Variants in ZDHHC21 observed in about 807,000 individuals in gnomAD.
The protein encoded by ZDHHC21 is palmitoyltransferase ZDHHC21.
Under a neutral mutation model 34.6 loss-of-function variants are expected in ZDHHC21, and 15 were observed. The ratio of observed to expected loss-of-function variants is 0.43; its 90% CI spans 0.29 to 0.67. ZDHHC21 has a LOEUF of 0.67. Ranked by LOEUF, ZDHHC21 falls within the 30% of genes least tolerant of loss-of-function variation. The pLI, the probability that ZDHHC21 is intolerant of heterozygous loss-of-function variation, is 0.14. For missense variants in ZDHHC21, 344 were observed against 327.7 expected, an observed-to-expected ratio of 1.05 and a Z score of -0.38; for synonymous variants, 142 against 101.8, an observed-to-expected ratio of 1.40 and a Z score of -2.38.
the ZDHHC21 span, among the ~76,000 whole-genome samples, chr9:14,591,169 G>A: frequency 6.6e-6 from 1 of 152,174 alleles, no homozygotes; most frequent in East Asian, 1.9e-4. Flanking sequence ...TCCAAAAAAG[G>A]CAGGAAAAGG....
At chr9:14,673,606 C>A (rs916414743) in intron 4 of ZDHHC21, among the ~76,000 whole-genome samples, 1 of 150,856 alleles carries the variant, frequency 6.6e-6, no homozygotes, top group Non-Finnish European at 1.5e-5. Context: ...TAGTACCGGT[C>A]AGTTTTATCA....
chr9:14,643,387 G>C (rs920237523), intron 7 of ZDHHC21, among the ~76,000 whole-genome samples: 5 of 152,116 alleles, frequency 3.3e-5, no homozygotes, highest in African/African-American at 7.2e-5. Flanking sequence ...TAAAGGTAAA[G>C]GTTACTAACT....
In ZDHHC21 at chr9:14,613,677, G is replaced by A. The variant is rs1475951664; in HGVS notation, c.*5289C>T. On this transcript the variant is annotated 3_prime_UTR_variant, in exon 10 of 10. Coordinates refer to ENST00000380916, the MANE Select transcript of ZDHHC21 (RefSeq NM_178566.6). ...GATATTCAAAATACCAATAGAAATGGAGACCTTCGAGGTATCAAGAACTCC... is the reference window on the plus strand; with the variant it reads ...GATATTCAAAATACCAATAGAAATGAAGACCTTCGAGGTATCAAGAACTCC... 1 of 151,740 alleles carries A rather than the reference G, an allele frequency of 6.6e-6. No homozygotes were observed. Among genetic ancestry groups the A allele is most frequent in the Non-Finnish European group, 1.5e-5 (1 of 67,744 alleles). 9.4% of individuals were successfully genotyped at this position (151,740 alleles called of 1,614,324 possible). A position where few individuals can be genotyped will look rare whatever the true frequency, so the allele number is the denominator to read the frequency against.
intron 3 of ZDHHC21, among the ~76,000 whole-genome samples, 166 bp downstream of exon 3, chr9:14,679,867 T>G (rs974566672): frequency 7.2e-5 from 11 of 152,106 alleles, no homozygotes; most frequent in Non-Finnish European, 1.5e-4. Context: ...AAAGTCTTAT[T>G]TAAGAAAACA....
the ZDHHC21 span, among the ~76,000 whole-genome samples, chr9:14,601,005 A>T: frequency 3.3e-5 from 5 of 152,210 alleles, no homozygotes; most frequent in Non-Finnish European, 7.3e-5. Context: ...TTAACTCAAG[A>T]TGGATTAAAG....
intron 5 of ZDHHC21, among the ~76,000 whole-genome samples, chr9:14,671,187 G>C (rs983208316): frequency 2.6e-5 from 4 of 151,936 alleles, no homozygotes; most frequent in African/African-American, 9.7e-5. Flanking sequence ...GTTTAACCTG[G>C]AGATTTACTA....
In ZDHHC21 at chr9:14,693,272, G is replaced by A. The variant is rs71476227; in HGVS notation, c.-268C>T. ...TCTCGCTGCCGCCGCTCTCCCGACCGCCAGCAGCTCTTTCCCCTCCTCCTG... is the reference window on the plus strand; with the variant it reads ...TCTCGCTGCCGCCGCTCTCCCGACCACCAGCAGCTCTTTCCCCTCCTCCTG... On this transcript the variant is annotated 5_prime_UTR_variant, in exon 1 of 10. Coordinates refer to ENST00000380916, the MANE Select transcript of ZDHHC21 (RefSeq NM_178566.6). The A allele has an allele frequency of 0.51, 211,235 of 415,278 alleles. 55,696 individuals carry two copies. Among genetic ancestry groups the A allele is most frequent in the Non-Finnish European group, 0.57 (120,321 of 210,720 alleles). The allele number at this position is 415,278 out of a possible 1,614,324, so 25.7% of individuals were successfully genotyped here. A position where few individuals can be genotyped will look rare whatever the true frequency, so the allele number is the denominator to read the frequency against.
chr9:14,608,156 C>G (rs1479243834), downstream of ZDHHC21, among the ~76,000 whole-genome samples: 1 of 152,106 alleles, frequency 6.6e-6, no homozygotes, highest in Non-Finnish European at 1.5e-5. Flanking sequence ...TCTACAGCTA[C>G]AAAGCTTACA....
chr9:14,653,152 A>G lies in ZDHHC21; in HGVS notation c.504+5597T>C, dbSNP rs899582301. 2.6e-5 allele frequency among the ~76,000 whole-genome samples: 4 copies of G among 151,988 alleles called. No homozygotes were observed. In the South Asian group the frequency reaches 8.3e-4, roughly 31 times the overall value. On this transcript the variant is annotated intron_variant, in intron 7 of 9. Transcript: ENST00000380916. Reference sequence around the variant, plus strand: ...CTTATTCCATATCCTGAATAATAGAAAGGATAATAAGATGAAGTTCCTGAT... The same window carrying G: ...CTTATTCCATATCCTGAATAATAGAGAGGATAATAAGATGAAGTTCCTGAT...
the ZDHHC21 span, among the ~76,000 whole-genome samples, chr9:14,595,729 A>G: frequency 5.3e-5 from 8 of 152,240 alleles, no homozygotes; most frequent in Admixed American, 4.6e-4. Flanking sequence ...AAAATGGTCA[A>G]AAGATTTGAA....
At chr9:14,630,257 C>G (rs553644770) in intron 8 of ZDHHC21, among the ~76,000 whole-genome samples, 25 of 152,326 alleles carry the variant, frequency 1.6e-4, no homozygotes, top group African/African-American at 6.0e-4. Context: ...GTTGTCATTT[C>G]AATAACGTCC....
At chr9:14,602,952 AAAAGG>A in the ZDHHC21 span, among the ~76,000 whole-genome samples, 6 of 146,562 alleles carry the variant, frequency 4.1e-5, no homozygotes, top group Admixed American at 1.3e-4. Flanking sequence ...AAAAAAAAAA[AAAAGG>A]GAGAATTTCA....
At chr9:14,675,736 A>C (rs1836259190) in intron 3 of ZDHHC21, among the ~76,000 whole-genome samples, 1 of 152,012 alleles carries the variant, frequency 6.6e-6, no homozygotes, top group Non-Finnish European at 1.5e-5. Context: ...TAATATGGTA[A>C]GTTCCAGATT....
chr9:14,653,592 T>C (rs1831640968), intron 7 of ZDHHC21, among the ~76,000 whole-genome samples: 1 of 151,888 alleles, frequency 6.6e-6, no homozygotes, highest in Non-Finnish European at 1.5e-5. Flanking sequence ...CTCCTTCATC[T>C]CCCCATTTGG....
downstream of ZDHHC21, among the ~76,000 whole-genome samples, chr9:14,609,245 T>C (rs10961615): frequency 5.3e-5 from 8 of 152,266 alleles, no homozygotes; most frequent in East Asian, 1.5e-3. Flanking sequence ...AAAATGGAAG[T>C]ACACATAAAG....
At chr9:14,596,187 G>A in the ZDHHC21 span, among the ~76,000 whole-genome samples, 1 of 152,168 alleles carries the variant, frequency 6.6e-6, no homozygotes, top group African/African-American at 2.4e-5. Context: ...TAAATGAATC[G>A]ATAACAAATT....
At chr9:14,604,618 T>C in the ZDHHC21 span, among the ~76,000 whole-genome samples, 1 of 152,212 alleles carries the variant, frequency 6.6e-6, no homozygotes, top group Non-Finnish European at 1.5e-5. Context: ...AACATTAGCA[T>C]GTAATTAATC....
intron 7 of ZDHHC21, among the ~76,000 whole-genome samples, chr9:14,654,663 A>G (rs191559900): frequency 1.3e-4 from 20 of 152,226 alleles, no homozygotes; most frequent in South Asian, 1.2e-3. Context: ...GAAATTATCA[A>G]TGAAAGAAAG....
Position 14,674,311 on chromosome 9 carries a change from G to A in ZDHHC21, c.30C>T (p.Asp10=), listed in dbSNP as rs1365028309. The part of the protein sequence containing the change: MGLRIHFVV[D]PHGWCCMGLI... Reference sequence around the variant, plus strand: ...AACCCATGCAGCACCAACCATGTGGGTCAACAACAAAGTGAATCCGGAGAC... The same window carrying A: ...AACCCATGCAGCACCAACCATGTGGATCAACAACAAAGTGAATCCGGAGAC... The change falls in exon 4 of 10, where the codon GAC becomes GAT. Residue 10 remains aspartate, a synonymous_variant. Coordinates refer to ENST00000380916, the MANE Select transcript of ZDHHC21 (RefSeq NM_178566.6). 3 of 1,594,908 alleles carry A rather than the reference G, an allele frequency of 1.9e-6. No individual in the cohort carries two copies. The highest frequency in any genetic ancestry group is 1.8e-5 in the Admixed American group (1 of 56,312).
Sources: gnomAD v4.1 joint callset for allele counts (sites outside exome capture counted in the v4.1 genomes callset) on GRCh38, gnomAD v4.1.1 for gene constraint, MANE v1.5 for transcripts, NCBI Gene and HGNC (gene_info 2026-07-23, HGNC 2026-07-21) for gene names.